SSH1: variants seen among roughly 807,000 people sequenced by gnomAD.
SSH1 encodes slingshot protein phosphatase 1.
A neutral mutation model predicts 79.7 loss-of-function variants in SSH1; 43 were observed. The observed-to-expected ratio is 0.54, with a 90% CI of 0.42 to 0.70. The LOEUF is 0.70. SSH1 is among the 30% of genes least tolerant of loss of function. SSH1 has a pLI of 0.00. For synonymous variants in SSH1, 599 were observed against 538.3 expected (o/e 1.11, Z -1.56); for missense variants, 1,206 against 1,358.8 (o/e 0.89, Z 1.77).
In SSH1 at chr12:108,788,428, G is replaced by A. The variant is rs746073193; in HGVS notation, c.2710C>T (p.Arg904Cys). ...GAGAAACTACTGGTGTGGTCCAGGC[G>A]GTAGAAGAAAGGAGGGGGGCTCTTC... ...SLKSPPPFFY[R>C]LDHTSSFSKD... is the part of the protein sequence containing the mutation. The change falls in exon 15 of 15, where the codon CGC becomes TGC. Residue 904 changes from arginine (R) to cysteine (C), a missense_variant. Coordinates refer to ENST00000326495, the MANE Select transcript of SSH1 (RefSeq NM_018984.4). 2.6e-5 allele frequency: 42 copies of A among 1,588,168 alleles called. No homozygotes were observed. Among genetic ancestry groups the A allele is most frequent in the Admixed American group, 7.2e-5 (4 of 55,834 alleles).
chr12:108,824,705 G>A (rs2038248435), intron 2 of SSH1, among the ~76,000 whole-genome samples: 1 of 152,054 alleles, frequency 6.6e-6, no homozygotes, highest in African/African-American at 2.4e-5. Flanking sequence ...GATCATTTGA[G>A]CCCAGGAGTT....
At chr12:108,804,839 C>T (rs757597860) in intron 10 of SSH1, among the ~76,000 whole-genome samples, 9 of 152,208 alleles carry the variant, frequency 5.9e-5, no homozygotes, top group African/African-American at 9.6e-5. Flanking sequence ...CGCAGCTCAG[C>T]TGGAAGCCAC....
At chr12:108,819,344 T>G (rs927048059) in intron 3 of SSH1, among the ~76,000 whole-genome samples, 1 of 152,220 alleles carries the variant, frequency 6.6e-6, no homozygotes, top group African/African-American at 2.4e-5. Flanking sequence ...AGTCTCTTAC[T>G]GGCCATGAGT....
chr12:108,805,802 A>C (rs895265081), intron 9 of SSH1, among the ~76,000 whole-genome samples: 1 of 152,244 alleles, frequency 6.6e-6, no homozygotes. Flanking sequence ...TTGAATAAAA[A>C]GCAATGGAAA....
In SSH1 at chr12:108,800,944, TAAG is replaced by T; in HGVS notation, c.1002-21_1002-19del. 3 of 1,610,152 alleles carry T rather than the reference TAAG, an allele frequency of 1.9e-6. No homozygotes were observed. Among genetic ancestry groups the T allele is most frequent in the Non-Finnish European group, 2.5e-6 (3 of 1,177,796 alleles). The stretch of plus-strand genomic sequence containing the variant: ...AATCAACCCTGCAATGAGAAAAAAA[TAAG>T]AAACAAATTTGGACAATCTGAATGA... On this transcript the variant is annotated intron_variant, in intron 11 of 14. Transcript: ENST00000326495.
Position 108,851,420 on chromosome 12 carries a change from T to C in SSH1, c.110+1218A>G, listed in dbSNP as rs563372240. On this transcript the variant is annotated intron_variant, in intron 2 of 14. Transcript: ENST00000326495. ...TCTGAACACATATTTCCTTTTCCAA[T>C]TAATTTTCCTTCCCCTCATGAGATA... 3.1e-4 allele frequency among the ~76,000 whole-genome samples: 47 copies of C among 152,322 alleles called. 1 individual carries two copies. Among genetic ancestry groups the C allele is most frequent in the African/African-American group, 1.1e-3 (47 of 41,572 alleles).
At chr12:108,851,007 C>T (rs1188653252) in intron 2 of SSH1, among the ~76,000 whole-genome samples, 1 of 152,036 alleles carries the variant, frequency 6.6e-6, no homozygotes, top group African/African-American at 2.4e-5. Context: ...GTCTGATCTG[C>T]AACTCGGCCC....
chr12:108,781,068 TA>T lies in SSH1; in HGVS notation c.*6919del, dbSNP rs2136926383. 1 of 151,632 alleles carries T rather than the reference TA, an allele frequency of 6.6e-6. No homozygotes were observed. Among genetic ancestry groups the T allele is most frequent in the African/African-American group, 2.4e-5 (1 of 41,316 alleles). The allele number at this position is 151,632 out of a possible 1,614,324, so 9.4% of individuals were successfully genotyped here. ...GAAAAAAAAAAAAGAAGCATCCCAC[TA>T]AACTTTTAATATTCAATAAGCAATT... is the stretch of plus-strand genomic sequence containing the variant. On this transcript the variant is annotated 3_prime_UTR_variant, in exon 15 of 15. Coordinates refer to ENST00000326495, the MANE Select transcript of SSH1 (RefSeq NM_018984.4).
Position 108,837,192 on chromosome 12 carries a change from G to A in SSH1, c.111-13831C>T, listed in dbSNP as rs542261250. On this transcript the variant is annotated intron_variant, in intron 2 of 14. Coordinates refer to ENST00000326495, the MANE Select transcript of SSH1 (RefSeq NM_018984.4). ...GGTTGCAGCGAGCTGAGATATCACC[G>A]CTGCACTCCAGCTTGGGCGACAGAG... 5.9e-5 allele frequency among the ~76,000 whole-genome samples: 9 copies of A among 152,230 alleles called. No homozygotes were observed. The South Asian group carries it at 8.3e-4, about 14-fold the overall frequency.
intron 2 of SSH1, chr12:108,827,175 A>C: frequency 1.5e-6 from 2 of 1,344,554 alleles, no homozygotes; most frequent in Non-Finnish European, 1.0e-6. Flanking sequence ...CTCCTCAAAA[A>C]ACCCCAGGCC....
chr12:108,848,073 G>A (rs1479152852), intron 2 of SSH1, among the ~76,000 whole-genome samples: 1 of 152,162 alleles, frequency 6.6e-6, no homozygotes, highest in Non-Finnish European at 1.5e-5. Flanking sequence ...AGAGGGGAGG[G>A]TGGAAAGGCC....
At chr12:108,824,686 G>A (rs747512528) in intron 2 of SSH1, among the ~76,000 whole-genome samples, 2 of 152,008 alleles carry the variant, frequency 1.3e-5, no homozygotes, top group Non-Finnish European at 2.9e-5. Context: ...TGGGAGGCTG[G>A]GGTGGAAGGA....
chr12:108,846,207 C>T (rs1468423916), intron 2 of SSH1, among the ~76,000 whole-genome samples: 1 of 152,116 alleles, frequency 6.6e-6, no homozygotes, highest in African/African-American at 2.4e-5. Context: ...TCGCTCTGGC[C>T]CAAACCTTTG....
In SSH1 at chr12:108,781,532, C is replaced by A. The variant is rs1445201412; in HGVS notation, c.*6456G>T. 2 of 152,190 alleles carry A rather than the reference C, an allele frequency of 1.3e-5. No homozygotes were observed. The highest frequency in any genetic ancestry group is 2.9e-5 in the Non-Finnish European group (2 of 68,044). The allele number at this position is 152,190 out of a possible 1,614,324, so 9.4% of individuals were successfully genotyped here. ...TGGTTTATTCATCAGTCTTTTGAGT[C>A]CAGTTGAGAGACAGAGCAAGTCCAG... is the stretch of plus-strand genomic sequence containing the variant. On this transcript the variant is annotated 3_prime_UTR_variant, in exon 15 of 15. Coordinates refer to ENST00000326495, the MANE Select transcript of SSH1 (RefSeq NM_018984.4).
chr12:108,823,278 T>C lies in SSH1; in HGVS notation c.194A>G (p.Gln65Arg). ...CTCACCTGCATGCTTGTGGGGGTGC[T>C]GAAGACTCCGCTGGCCTTGAGGGCT... ...GSSPQGQRSL[Q>R]HPHKHAGDLP... Residue 65 changes from glutamine (Q) to arginine (R), a missense_variant, in exon 3 of 15, where the codon CAG (glutamine) becomes CGG (arginine). Physicochemically the swap from Gln to Arg is conservative, Grantham distance 43 (BLOSUM62 1). Transcript: ENST00000326495. 3 of 1,588,034 alleles carry C rather than the reference T, an allele frequency of 1.9e-6. No individual in the cohort carries two copies. Among genetic ancestry groups the C allele is most frequent in the Non-Finnish European group, 2.6e-6 (3 of 1,166,010 alleles).
At chr12:108,794,869 G>A (rs1430251877) in intron 13 of SSH1, among the ~76,000 whole-genome samples, 1 of 151,648 alleles carries the variant, frequency 6.6e-6, no homozygotes, top group African/African-American at 2.4e-5. Flanking sequence ...TGGGGGGTGG[G>A]TGGGAAGGAA....
chr12:108,837,055 AC>A (rs2038652424), intron 2 of SSH1: 1 of 440,026 alleles, frequency 2.3e-6, no homozygotes, highest in Admixed American at 2.5e-5. Flanking sequence ...ACATGGCAAC[AC>A]CCTATTCTCT....
At chr12:108,817,264 G>A (rs759801046) in intron 4 of SSH1, 105 bp from the exon 5 acceptor site, 1 of 1,530,986 alleles carries the variant, frequency 6.5e-7, no homozygotes, top group South Asian at 1.1e-5. Flanking sequence ...CTTTCCCTCT[G>A]GGAGTTAAAA....
intron 11 of SSH1, 23 bp downstream of exon 11, chr12:108,802,299 A>C: frequency 6.2e-7 from 1 of 1,612,414 alleles, no homozygotes; most frequent in Non-Finnish European, 8.5e-7. Context: ...AAGGACAGGG[A>C]AAGACAAGGG....
Sources: gnomAD v4.1 joint callset for allele counts (sites outside exome capture counted in the v4.1 genomes callset) on GRCh38, gnomAD v4.1.1 for gene constraint, MANE v1.5 for transcripts, NCBI Gene and HGNC (gene_info 2026-07-23, HGNC 2026-07-21) for gene names.